Variants in TSPAN18 observed in about 807,000 individuals in gnomAD.
The protein encoded by TSPAN18 is tetraspanin-18.
Under a neutral mutation model 27.3 loss-of-function variants are expected in TSPAN18, and 14 were observed. The observed-to-expected ratio is 0.51, with a 90% confidence interval of 0.34 to 0.80. TSPAN18 has a LOEUF of 0.80. TSPAN18 is among the 30% of genes least tolerant of loss of function. The pLI, the probability that TSPAN18 is intolerant of heterozygous loss-of-function variation, is 0.01. For missense variants in TSPAN18, 268 were observed against 323.9 expected (o/e 0.83, Z 1.32); for synonymous variants, 143 against 136.5 (o/e 1.05, Z -0.33).
chr11:44,865,684 T>C lies in TSPAN18; in HGVS notation c.-11+5215T>C, dbSNP rs566431058. On this transcript the variant is annotated intron_variant, in intron 3 of 9. Coordinates refer to ENST00000520358, the MANE Select transcript of TSPAN18 (RefSeq NM_130783.5). Reference sequence around the variant, plus strand: ...TTCAAGACTAGAACTTTTCTTCTTTTTTTTCTCTCCTTAAGGACAGGGGAC... The same window carrying C: ...TTCAAGACTAGAACTTTTCTTCTTTCTTTTCTCTCCTTAAGGACAGGGGAC... 1.0e-3 allele frequency among the ~76,000 whole-genome samples: 154 copies of C among 152,322 alleles called. 1 individual carries two copies. Among genetic ancestry groups the C allele is most frequent in the African/African-American group, 3.6e-3 (149 of 41,580 alleles).
At chr11:44,743,449 A>T (rs1253719525) in intron 1 of TSPAN18, among the ~76,000 whole-genome samples, 1 of 152,120 alleles carries the variant, frequency 6.6e-6, no homozygotes, top group African/African-American at 2.4e-5. Flanking sequence ...GGTTTGTGTG[A>T]CCTTGGGCTG....
chr11:44,793,699 C>T (rs868494832), intron 2 of TSPAN18, among the ~76,000 whole-genome samples: 13 of 152,192 alleles, frequency 8.5e-5, no homozygotes, highest in South Asian at 2.1e-4. Context: ...AGGCACTGGG[C>T]GACCCCAAGG....
At chr11:44,885,096 T>C (rs192716887) in intron 3 of TSPAN18, among the ~76,000 whole-genome samples, 1 of 152,212 alleles carries the variant, frequency 6.6e-6, no homozygotes, top group Non-Finnish European at 1.5e-5. Flanking sequence ...GGATACAATA[T>C]GGCGCCAAAT....
chr11:44,906,048 C>T (rs900263701), intron 3 of TSPAN18, among the ~76,000 whole-genome samples: 16 of 152,238 alleles, frequency 1.1e-4, no homozygotes, highest in African/African-American at 3.9e-4. Flanking sequence ...TGAAGCGGGA[C>T]TGCTGAGCAC....
intron 2 of TSPAN18, among the ~76,000 whole-genome samples, chr11:44,857,360 G>A (rs1857764811): frequency 1.3e-5 from 2 of 152,264 alleles, no homozygotes; most frequent in Admixed American, 6.5e-5. Flanking sequence ...CACAGAGCCA[G>A]TGTCTAGCAG....
At chr11:44,763,023 C>G (rs1455031668) in intron 1 of TSPAN18, among the ~76,000 whole-genome samples, 1 of 152,224 alleles carries the variant, frequency 6.6e-6, no homozygotes, top group Non-Finnish European at 1.5e-5. Flanking sequence ...GTTCTAGTCC[C>G]AGCTCAGACT....
At chr11:44,838,614 A>G (rs1857309766) in intron 2 of TSPAN18, among the ~76,000 whole-genome samples, 1 of 152,178 alleles carries the variant, frequency 6.6e-6, no homozygotes, top group Non-Finnish European at 1.5e-5. Flanking sequence ...TGACTTCAGA[A>G]GAGGAGTGTG....
chr11:44,916,652 A>T (rs1195915076), intron 5 of TSPAN18, among the ~76,000 whole-genome samples: 1 of 152,144 alleles, frequency 6.6e-6, no homozygotes. Flanking sequence ...ATGACACACG[A>T]GGACAGACAA....
intron 3 of TSPAN18, among the ~76,000 whole-genome samples, chr11:44,887,942 A>C (rs835768): frequency 6.6e-6 from 1 of 151,952 alleles, no homozygotes; most frequent in Non-Finnish European, 1.5e-5. Flanking sequence ...ACAGCCCTGC[A>C]TATTTTGGGA....
At chr11:44,917,611 A>G (rs1377076317) in intron 5 of TSPAN18, 2 of 187,440 alleles carry the variant, frequency 1.1e-5, no homozygotes, top group Non-Finnish European at 2.2e-5. Context: ...CGTACAACCT[A>G]CCCAGAAGGA....
intron 2 of TSPAN18, among the ~76,000 whole-genome samples, chr11:44,766,548 G>A (rs1855570957): frequency 6.6e-6 from 1 of 152,160 alleles, no homozygotes; most frequent in African/African-American, 2.4e-5. Context: ...CTCCATCAGG[G>A]GAAGTCGTGG....
At chr11:44,843,400 TA>T (rs1857415651) in intron 2 of TSPAN18, among the ~76,000 whole-genome samples, 1 of 152,198 alleles carries the variant, frequency 6.6e-6, no homozygotes, top group East Asian at 1.9e-4. Context: ...ATCAAGTATT[TA>T]ACAGGGTAAT....
intron 2 of TSPAN18, among the ~76,000 whole-genome samples, chr11:44,817,827 A>G (rs1203836070): frequency 6.6e-6 from 1 of 152,252 alleles, no homozygotes; most frequent in South Asian, 2.1e-4. Context: ...TACTTCACAG[A>G]CAGGAAATGA....
Position 44,879,836 on chromosome 11 carries a change from C to T in TSPAN18, c.-11+19367C>T, listed in dbSNP as rs117293612. Among the ~76,000 whole-genome samples the T allele has an allele frequency of 3.7e-3, 567 of 152,302 alleles. 2 individuals carry two copies. The highest frequency in any genetic ancestry group is 5.4e-3 in the Non-Finnish European group (368 of 68,020). ...TCTGGAGGCCAGATGGCAAAGCGGA[C>T]GAAGAAGCGTGTCCCGTTGTCCTCT... On this transcript the variant is annotated intron_variant, in intron 3 of 9. Coordinates refer to ENST00000520358, the MANE Select transcript of TSPAN18 (RefSeq NM_130783.5).
At chr11:44,847,202 G>A (rs558915061) in intron 2 of TSPAN18, among the ~76,000 whole-genome samples, 5 of 152,210 alleles carry the variant, frequency 3.3e-5, no homozygotes, top group Admixed American at 2.6e-4. Flanking sequence ...GGAAGGAAGG[G>A]CTTTCCTGGT....
chr11:44,882,967 G>T (rs1858538000), intron 3 of TSPAN18, among the ~76,000 whole-genome samples: 1 of 152,196 alleles, frequency 6.6e-6, no homozygotes, highest in Non-Finnish European at 1.5e-5. Flanking sequence ...CACACAGAGG[G>T]CACTTTCCTG....
At chr11:44,814,928 T>C (rs1856791198) in intron 2 of TSPAN18, among the ~76,000 whole-genome samples, 1 of 152,110 alleles carries the variant, frequency 6.6e-6, no homozygotes, top group Non-Finnish European at 1.5e-5. Flanking sequence ...GCTGCTTGGG[T>C]GTGTCCCTCT....
chr11:44,741,912 T>G (rs558693040), intron 1 of TSPAN18, among the ~76,000 whole-genome samples: 6 of 152,116 alleles, frequency 3.9e-5, no homozygotes, highest in Non-Finnish European at 8.8e-5. Context: ...CTCCTCTCTC[T>G]GCTCTCTCCC....
intron 2 of TSPAN18, among the ~76,000 whole-genome samples, chr11:44,779,164 C>T (rs888926580): frequency 6.6e-6 from 1 of 152,004 alleles, no homozygotes; most frequent in South Asian, 2.1e-4. Context: ...CATTGTGCTC[C>T]GTTTCCTTCT....
Sources: allele counts gnomAD v4.1 joint callset (sites outside exome capture counted in the v4.1 genomes callset), GRCh38; gene constraint gnomAD v4.1.1; transcripts MANE v1.5; gene names NCBI Gene and HGNC (gene_info 2026-07-23, HGNC 2026-07-21).